The following HPS6 variants were observed in gnomAD, a reference collection of about 807,000 sequenced individuals.
HPS6 encodes HPS6 biogenesis of lysosomal organelles complex 2 subunit 3.
A neutral mutation model predicts 53.6 loss-of-function variants in HPS6; 46 were observed. The ratio of observed to expected loss-of-function variants is 0.86; its 90% CI spans 0.68 to 1.10. The LOEUF (loss-of-function observed/expected upper bound fraction) is 1.10, where lower values mean the gene tolerates loss of function less well. HPS6 is among the 50% of genes least tolerant of loss of function. The pLI, the probability that HPS6 is intolerant of heterozygous loss-of-function variation, is 0.00. For synonymous variants in HPS6, 535 were observed against 470.8 expected, an observed-to-expected ratio of 1.14 and a Z score of -1.77; for missense variants, 1,034 against 991.3, an observed-to-expected ratio of 1.04 and a Z score of -0.58.
chr10:102,066,553 C>A lies in HPS6; in HGVS notation c.1079C>A (p.Ala360Asp). The change falls in exon 1 of 1, where the codon GCC becomes GAC. Residue 360 changes from alanine to aspartate, a missense_variant. Physicochemically the swap from Ala to Asp is moderately radical, Grantham distance 126. Transcript: ENST00000299238. Reference protein sequence around the residue: ...TDRVHLLEPPAPGMEDEEELE... With the variant: ...TDRVHLLEPPDPGMEDEEELE... ...AGGGTACATCTGCTAGAACCGCCAG[C>A]CCCCGGCATGGAGGATGAGGAAGAG... The A allele has an allele frequency of 1.9e-6, 3 of 1,614,156 alleles. No homozygotes were observed. Among genetic ancestry groups the A allele is most frequent in the Non-Finnish European group, 2.5e-6 (3 of 1,180,022 alleles).
rs780921525 is a variant in HPS6, at chr10:102,066,683, G to A, written c.1209G>A (p.Val403=). Residue 403 remains valine (V), a synonymous_variant, in exon 1 of 1, where the codon GTG becomes GTA. Transcript: ENST00000299238. ...AGTTGCCTTCAGCCAAGGATCTGGT[G>A]TTTGAGGAGGCCTGCGGGTACTACC... ...GVELPSAKDL[V]FEEACGYYQR... 1 of 1,613,970 alleles carries A rather than the reference G, an allele frequency of 6.2e-7. No homozygotes were observed. The highest frequency in any genetic ancestry group is 1.1e-5 in the South Asian group (1 of 91,088).
Position 102,067,293 on chromosome 10 carries a change from C to T in HPS6, c.1819C>T (p.Arg607Ter), listed in dbSNP as rs377169467. The change falls in exon 1 of 1, where the codon CGA becomes TGA. Residue 607 changes from arginine (R) to a stop codon, truncating the protein, a stop_gained. Transcript: ENST00000299238. LOFTEE classifies it high-confidence loss of function. The part of the protein sequence containing the change: ...AGGPGLPLYR[R>*]ALAVLGEEGT... The stretch of plus-strand genomic sequence containing the variant: ...GGGCCCAGGACTGCCCCTGTATCGC[C>T]GAGCTCTGGCAGTGCTAGGTGAGGA... 13 of 1,612,904 alleles carry T rather than the reference C, an allele frequency of 8.1e-6. No homozygotes were observed. The highest frequency in any genetic ancestry group is 4.0e-5 in the African/African-American group (3 of 74,942).
At position 102,066,504 on chromosome 10, in the gene HPS6, G is replaced by T. The variant is rs2067971306; in HGVS notation, c.1030G>T (p.Glu344Ter). The T allele has an allele frequency of 6.2e-7, 1 of 1,614,226 alleles. No individual in the cohort carries two copies. ...GGACATGGGCAGTGGGCAGCTGCTG[G>T]AGAGGAAGGTCCTAAGTACAGACAG... ...LLDMGSGQLL[E>*]RKVLSTDRVH... is the part of the protein sequence containing the mutation. Residue 344 changes from glutamate to a stop codon, truncating the protein, a stop_gained, in exon 1 of 1, where the codon GAG becomes TAG. Coordinates refer to ENST00000299238, the MANE Select transcript of HPS6 (RefSeq NM_024747.6). LOFTEE classifies it high-confidence loss of function.
rs2067979230 is a variant in HPS6 at position 102,067,310 on chromosome 10, A to C, written c.1836A>C (p.Leu612=). The C allele has an allele frequency of 6.2e-7, 1 of 1,613,052 alleles. No homozygotes were observed. Among genetic ancestry groups the C allele is most frequent in the East Asian group, 2.2e-5 (1 of 44,892 alleles). The part of the protein sequence containing the change: ...LPLYRRALAV[L]GEEGTRPEAL... Reference sequence around the variant, plus strand: ...TGTATCGCCGAGCTCTGGCAGTGCTAGGTGAGGAGGGGACCAGGCCTGAGG... The same window carrying C: ...TGTATCGCCGAGCTCTGGCAGTGCTCGGTGAGGAGGGGACCAGGCCTGAGG... Residue 612 remains leucine, a synonymous_variant, in exon 1 of 1, where the codon CTA becomes CTC. Transcript: ENST00000299238.
chr10:102,067,850 A>G lies in HPS6; in HGVS notation c.*48A>G, dbSNP rs539503607. 2.5e-6 allele frequency: 4 copies of G among 1,595,124 alleles called. No homozygotes were observed. The African/African-American group carries it at 5.4e-5, about 21-fold the overall frequency. On this transcript the variant is annotated 3_prime_UTR_variant, in exon 1 of 1. Coordinates refer to ENST00000299238, the MANE Select transcript of HPS6 (RefSeq NM_024747.6). ...CTCAGGGCCTGGAGGCTTGCTTGGG[A>G]CTGGAGGCTTGCTTGGACAGTTCCT...
Position 102,065,662 on chromosome 10 carries a change from C to G in HPS6, c.188C>G (p.Pro63Arg). ...APQLLVASRG[P>R]GAELERAWPA... ...CAGCTGCTAGTCGCGTCGCGAGGGC[C>G]CGGCGCGGAGCTAGAGCGGGCCTGG... Residue 63 changes from proline to arginine, a missense_variant, in exon 1 of 1, where the codon CCC (proline) becomes CGC (arginine). Coordinates refer to ENST00000299238, the MANE Select transcript of HPS6 (RefSeq NM_024747.6). 1 of 1,536,478 alleles carries G rather than the reference C, an allele frequency of 6.5e-7. No individual in the cohort carries two copies. Among genetic ancestry groups the G allele is most frequent in the South Asian group, 1.2e-5 (1 of 83,742 alleles).
In HPS6 at chr10:102,065,618, C is replaced by A. The variant is rs1235408173; in HGVS notation, c.144C>A (p.Pro48=). The change falls in exon 1 of 1, where the codon CCC becomes CCA. Residue 48 remains proline, a synonymous_variant. Coordinates refer to ENST00000299238, the MANE Select transcript of HPS6 (RefSeq NM_024747.6). The part of the protein sequence containing the change: ...PDGRHLLLLR[P]PGAVAPQLLV... ...GCCGCCACTTGCTGCTCCTGCGACC[C>A]CCTGGGGCGGTAGCCCCACAGCTGC... The A allele has an allele frequency of 6.4e-7, 1 of 1,554,188 alleles. No individual in the cohort carries two copies. The highest frequency in any genetic ancestry group is 8.6e-7 in the Non-Finnish European group (1 of 1,161,724).
At position 102,066,361 on chromosome 10, in the gene HPS6, G is replaced by A. The variant is rs753223662; in HGVS notation, c.887G>A (p.Gly296Asp). The A allele has an allele frequency of 1.2e-6, 2 of 1,613,920 alleles. No individual in the cohort carries two copies. Among genetic ancestry groups the A allele is most frequent in the Non-Finnish European group, 1.7e-6 (2 of 1,180,028 alleles). Residue 296 changes from glycine (G) to aspartate (D), a missense_variant, in exon 1 of 1, where the codon GGT becomes GAT. Transcript: ENST00000299238. Reference sequence around the variant, plus strand: ...ACTGTGAGCCTATTGCAGTCCCACGGTGGTACGCGGGCTGTGGGCACCCTG... The same window carrying A: ...ACTGTGAGCCTATTGCAGTCCCACGATGGTACGCGGGCTGTGGGCACCCTG... ...GGTVSLLQSH[G>D]GTRAVGTLQE...
chr10:102,066,556 C>CCGG lies in HPS6; in HGVS notation c.1084_1086dup (p.Gly362dup), dbSNP rs773452243. 7 of 1,614,074 alleles carry CCGG rather than the reference C, an allele frequency of 4.3e-6. No homozygotes were observed. The East Asian group carries it at 1.3e-4, about 31-fold the overall frequency. ...GTACATCTGCTAGAACCGCCAGCCC[C>CCGG]CGGCATGGAGGATGAGGAAGAGCTG... On this transcript the variant is annotated inframe_insertion, in exon 1 of 1. Transcript: ENST00000299238.
rs759990152 is a variant in HPS6 at position 102,067,551 on chromosome 10, C to T, written c.2077C>T (p.Arg693Cys). Residue 693 changes from arginine (R) to cysteine (C), a missense_variant, in exon 1 of 1, where the codon CGC becomes TGC. Physicochemically the swap from Arg to Cys is radical, Grantham distance 180 (BLOSUM62 -3). Transcript: ENST00000299238. Reference protein sequence around the residue: ...RLDAHLPLLCRLCPPELAPAE... With the variant: ...RLDAHLPLLCCLCPPELAPAE... ...TGATGCTCACCTCCCCCTCCTTTGCCGCCTGTGCCCACCAGAACTGGCTCC... is the reference window on the plus strand; with the variant it reads ...TGATGCTCACCTCCCCCTCCTTTGCTGCCTGTGCCCACCAGAACTGGCTCC... The T allele has an allele frequency of 8.7e-6, 14 of 1,613,536 alleles. No homozygotes were observed. Among genetic ancestry groups the T allele is most frequent in the East Asian group, 4.5e-5 (2 of 44,904 alleles).
At position 102,066,877 on chromosome 10, in the gene HPS6, T is replaced by TGAA. The variant is rs1388050159; in HGVS notation, c.1405_1407dup (p.Lys469dup). 1.9e-6 allele frequency: 3 copies of TGAA among 1,614,142 alleles called. No homozygotes were observed. The highest frequency in any genetic ancestry group is 8.5e-7 in the Non-Finnish European group (1 of 1,180,008). ...CGGGATTACCGAGGCTTAGAACAGC[T>TGAA]GAAGGCCCAGCTGGTGGCTGGGGAT... On this transcript the variant is annotated inframe_insertion, in exon 1 of 1. Coordinates refer to ENST00000299238, the MANE Select transcript of HPS6 (RefSeq NM_024747.6).
In HPS6 at chr10:102,065,994, G is replaced by A. The variant is rs773841105; in HGVS notation, c.520G>A (p.Ala174Thr). Residue 174 changes from alanine (A) to threonine (T), a missense_variant, in exon 1 of 1, where the codon GCT (alanine) becomes ACT (threonine). By Grantham distance (58) the Ala-to-Thr change is moderately conservative. Transcript: ENST00000299238. ...CCGGACTCTGGAGCCCAGCGGGGAAGCTAGCACCAGCCTGGGCCGCACACA... is the reference window on the plus strand; with the variant it reads ...CCGGACTCTGGAGCCCAGCGGGGAAACTAGCACCAGCCTGGGCCGCACACA... ...CVRTLEPSGE[A>T]STSLGRTHVL... 6.2e-7 allele frequency: 1 copy of A among 1,601,694 alleles called. No homozygotes were observed. The highest frequency in any genetic ancestry group is 2.2e-5 in the East Asian group (1 of 44,860).
chr10:102,067,686 G>T lies in HPS6; in HGVS notation c.2212G>T (p.Ala738Ser). Residue 738 changes from alanine to serine, a missense_variant, in exon 1 of 1, where the codon GCC becomes TCC. Coordinates refer to ENST00000299238, the MANE Select transcript of HPS6 (RefSeq NM_024747.6). ...EPPLTVGLLK[A>S]LLEQTGAQGW... Reference sequence around the variant, plus strand: ...CCCTCTCACTGTGGGCTTGCTCAAAGCCCTGCTGGAGCAGACTGGGGCTCA... The same window carrying T: ...CCCTCTCACTGTGGGCTTGCTCAAATCCCTGCTGGAGCAGACTGGGGCTCA... 1 of 1,613,880 alleles carries T rather than the reference G, an allele frequency of 6.2e-7. No individual in the cohort carries two copies. Among genetic ancestry groups the T allele is most frequent in the Non-Finnish European group, 8.5e-7 (1 of 1,180,022 alleles).
chr10:102,067,514 G>T lies in HPS6; in HGVS notation c.2040G>T (p.Gln680His), dbSNP rs1010250077. ...AACTGCTGCTGGCCGAGTTTGCCCAGCACCGCCGGCTTGATGCTCACCTCC... is the reference window on the plus strand; with the variant it reads ...AACTGCTGCTGGCCGAGTTTGCCCATCACCGCCGGCTTGATGCTCACCTCC... ...IFKLLLAEFA[Q>H]HRRLDAHLPL... Residue 680 changes from glutamine to histidine, a missense_variant, in exon 1 of 1, where the codon CAG becomes CAT. Physicochemically the swap from Gln to His is conservative, Grantham distance 24 (BLOSUM62 0). Transcript: ENST00000299238. 5 of 1,613,670 alleles carry T rather than the reference G, an allele frequency of 3.1e-6. No individual in the cohort carries two copies. The highest frequency in any genetic ancestry group is 4.2e-6 in the Non-Finnish European group (5 of 1,180,044).
In HPS6 at chr10:102,067,061, A is replaced by G; in HGVS notation, c.1587A>G (p.Leu529=). 3 of 1,614,212 alleles carry G rather than the reference A, an allele frequency of 1.9e-6. No homozygotes were observed. The highest frequency in any genetic ancestry group is 2.5e-6 in the Non-Finnish European group (3 of 1,180,032). The part of the protein sequence containing the change: ...GATLRALQLQ[L]DGNGKLRSQA... Reference sequence around the variant, plus strand: ...CCCTCAGGGCCCTGCAGCTCCAGCTAGATGGGAATGGCAAGCTGAGGTCCC... The same window carrying G: ...CCCTCAGGGCCCTGCAGCTCCAGCTGGATGGGAATGGCAAGCTGAGGTCCC... The change falls in exon 1 of 1, where the codon CTA becomes CTG. Residue 529 remains leucine (L), a synonymous_variant. Coordinates refer to ENST00000299238, the MANE Select transcript of HPS6 (RefSeq NM_024747.6).
Position 102,066,968 on chromosome 10 carries a change from G to T in HPS6, c.1494G>T (p.Leu498Phe). The T allele has an allele frequency of 6.2e-7, 1 of 1,614,160 alleles. No individual in the cohort carries two copies. Among genetic ancestry groups the T allele is most frequent in the Non-Finnish European group, 8.5e-7 (1 of 1,180,028 alleles). ...QEVARLLRTE[L>F]IGDQLAQLNT... ...TGGCACGCCTGCTGAGGACTGAGTT[G>T]ATAGGAGACCAGCTAGCCCAGCTCA... Residue 498 changes from leucine (L) to phenylalanine (F), a missense_variant, in exon 1 of 1, where the codon TTG (leucine) becomes TTT (phenylalanine). Transcript: ENST00000299238.
In HPS6 at chr10:102,065,541, CG is replaced by C; in HGVS notation, c.70del (p.Glu24SerfsTer29). 3 of 1,549,696 alleles carry C rather than the reference CG, an allele frequency of 1.9e-6. No homozygotes were observed. The highest frequency in any genetic ancestry group is 2.6e-6 in the Non-Finnish European group (3 of 1,159,534). ...CGCCTTCGGCGGCGCGGCGCGGCTC[CG>C]GGAGCTGGTGGCCGGGGACTCAGCG... ...LSAFGGAARL[R>X]ELVAGDSAVR... On this transcript the variant is annotated frameshift_variant, in exon 1 of 1. Coordinates refer to ENST00000299238, the MANE Select transcript of HPS6 (RefSeq NM_024747.6). LOFTEE classifies it low-confidence loss of function (END_TRUNC).
At position 102,066,116 on chromosome 10, in the gene HPS6, C is replaced by T. The variant is rs777679344; in HGVS notation, c.642C>T (p.His214=). 6 of 1,613,548 alleles carry T rather than the reference C, an allele frequency of 3.7e-6. No homozygotes were observed. Among genetic ancestry groups the T allele is most frequent in the South Asian group, 2.2e-5 (2 of 91,090 alleles). ...PTATTWPGVA[H]VLLIWSPGKG... is the part of the protein sequence containing the mutation. ...CCACCACCTGGCCTGGCGTGGCCCACGTTCTACTCATCTGGAGCCCAGGCA... is the reference window on the plus strand; with the variant it reads ...CCACCACCTGGCCTGGCGTGGCCCATGTTCTACTCATCTGGAGCCCAGGCA... Residue 214 remains histidine (H), a synonymous_variant, in exon 1 of 1, where the codon CAC becomes CAT. Coordinates refer to ENST00000299238, the MANE Select transcript of HPS6 (RefSeq NM_024747.6).
chr10:102,065,492 T>C lies in HPS6; in HGVS notation c.18T>C (p.Thr6=). ...GCGGCGCCATGAAGCGCTCGGGGAC[T>C]CTGCGGCTGCTCTCGGACCTGAGCG... MKRSG[T]LRLLSDLSAF... is the part of the protein sequence containing the mutation. The change falls in exon 1 of 1, where the codon ACT becomes ACC. Residue 6 remains threonine, a synonymous_variant. Coordinates refer to ENST00000299238, the MANE Select transcript of HPS6 (RefSeq NM_024747.6). 6.4e-7 allele frequency: 1 copy of C among 1,561,102 alleles called. No individual in the cohort carries two copies. The highest frequency in any genetic ancestry group is 8.6e-7 in the Non-Finnish European group (1 of 1,164,920).
Sources: allele counts gnomAD v4.1 joint callset, GRCh38; gene constraint gnomAD v4.1.1; transcripts MANE v1.5; gene names NCBI Gene and HGNC (gene_info 2026-07-23, HGNC 2026-07-21).